Variants in GABRA2 observed in about 807,000 individuals in gnomAD.
GABRA2 encodes gamma-aminobutyric acid receptor subunit alpha-2.
A neutral mutation model predicts 48.7 loss-of-function variants in GABRA2; 16 were observed. That is an observed-to-expected ratio of 0.33 (90% confidence interval 0.22 to 0.50). GABRA2 has a LOEUF of 0.50. GABRA2 is among the 20% of genes least tolerant of loss of function. GABRA2 has a pLI of 0.98. For synonymous variants in GABRA2, 185 were observed against 184.5 expected (o/e 1.00, Z -0.02); for missense variants, 275 against 535.6 (o/e 0.51, Z 4.80).
In GABRA2 at chr4:46,283,790, C is replaced by T. The variant is rs565613064; in HGVS notation, c.856+19670G>A. Reference sequence around the variant, plus strand: ...TTGTTTGTTTTTTGAGACGGAGTCTCACTCTGTCACCCAGGCCGGAGTGCA... The same window carrying T: ...TTGTTTGTTTTTTGAGACGGAGTCTTACTCTGTCACCCAGGCCGGAGTGCA... On this transcript the variant is annotated intron_variant, in intron 8 of 9. Transcript: ENST00000381620. Among the ~76,000 whole-genome samples, 3 of 152,318 alleles carry T rather than the reference C, an allele frequency of 2.0e-5. No individual in the cohort carries two copies. The South Asian group carries it at 6.2e-4, about 32-fold the overall frequency.
chr4:46,273,502 C>CATATATATATATATATATATATAT (rs71637683), intron 8 of GABRA2, among the ~76,000 whole-genome samples: 1 of 48,144 alleles, frequency 2.1e-5, no homozygotes, highest in Non-Finnish European at 4.0e-5. Context: ...TATATATATG[C>CATATATATATATATATATATATAT]ATATATATAT....
At position 46,289,912 on chromosome 4, in the gene GABRA2, T is replaced by A. The variant is rs1259875649; in HGVS notation, c.856+13548A>T. ...ATTTATTTATTTATTTATTTATTTT[T>A]ATTTTTTTTTTTTTTTTGAGACTGA... On this transcript the variant is annotated intron_variant, in intron 8 of 9. Coordinates refer to ENST00000381620, the MANE Select transcript of GABRA2 (RefSeq NM_000807.4). Among the ~76,000 whole-genome samples, 125 of 143,822 alleles carry A rather than the reference T, an allele frequency of 8.7e-4. No homozygotes were observed. In the Middle Eastern group the frequency reaches 0.014, roughly 16 times the overall value. The allele number at this position is 143,822 out of a possible 152,430, so 94.4% of individuals were successfully genotyped here.
chr4:46,387,558 G>A (rs547298831), intron 2 of GABRA2, among the ~76,000 whole-genome samples: 169 of 152,160 alleles, frequency 1.1e-3, no homozygotes, highest in African/African-American at 3.9e-3. Context: ...GCCTACTTAA[G>A]CTAATTTTAA....
At chr4:46,297,698 C>A (rs1487568312) in intron 8 of GABRA2, among the ~76,000 whole-genome samples, 1 of 151,148 alleles carries the variant, frequency 6.6e-6, no homozygotes, top group Non-Finnish European at 1.5e-5. Flanking sequence ...TTCTAAGAAC[C>A]AACCTTTGGT....
chr4:46,353,758 G>GA (rs1196606165), intron 3 of GABRA2, among the ~76,000 whole-genome samples: 1 of 151,910 alleles, frequency 6.6e-6, no homozygotes, highest in South Asian at 2.1e-4. Flanking sequence ...CATATAAACT[G>GA]AAAAAAAGTT....
intron 3 of GABRA2, chr4:46,364,646 T>G (rs1713757480): frequency 6.6e-6 from 1 of 152,226 alleles, no homozygotes; most frequent in African/African-American, 2.4e-5. Flanking sequence ...TCAAGTCTCA[T>G]CTCCTAGAGG....
intron 3 of GABRA2, among the ~76,000 whole-genome samples, chr4:46,360,103 C>A (rs992763353): frequency 1.3e-5 from 2 of 152,014 alleles, no homozygotes; most frequent in African/African-American, 4.8e-5. Flanking sequence ...ACCAGGAAAT[C>A]AAATAATATT....
rs1714036957 is a variant in GABRA2 at position 46,248,022 on chromosome 4, A to G, written c.*2286T>C. Among the ~76,000 whole-genome samples, 1 of 151,326 alleles carries G rather than the reference A, an allele frequency of 6.6e-6. No individual in the cohort carries two copies. The highest frequency in any genetic ancestry group is 1.5e-5 in the Non-Finnish European group (1 of 67,538). On this transcript the variant is annotated 3_prime_UTR_variant, in exon 10 of 10. Transcript: ENST00000381620. ...ATAACAGTGATAAGTTTTCTGGTCAATCTGCCATAAATGCTAATAATACTG... is the reference window on the plus strand; with the variant it reads ...ATAACAGTGATAAGTTTTCTGGTCAGTCTGCCATAAATGCTAATAATACTG...
chr4:46,298,418 T>C (rs139316164), intron 8 of GABRA2, among the ~76,000 whole-genome samples: 1 of 152,148 alleles, frequency 6.6e-6, no homozygotes, highest in East Asian at 1.9e-4. Context: ...TGGGTGTATG[T>C]GGGCTTTGTT....
intron 4 of GABRA2, among the ~76,000 whole-genome samples, chr4:46,323,659 T>C (rs1373149435): frequency 6.6e-6 from 1 of 151,610 alleles, no homozygotes; most frequent in Admixed American, 6.6e-5. Flanking sequence ...AGTTATGCCT[T>C]CTAGTAGCTC....
intron 3 of GABRA2, among the ~76,000 whole-genome samples, chr4:46,353,605 T>C (rs925832853): frequency 6.6e-6 from 1 of 152,122 alleles, no homozygotes; most frequent in African/African-American, 2.4e-5. Context: ...GGCATACTCC[T>C]GTTTCACATC....
At chr4:46,360,429 GCT>G (rs1712987927) in intron 3 of GABRA2, among the ~76,000 whole-genome samples, 1 of 152,174 alleles carries the variant, frequency 6.6e-6, no homozygotes, top group Non-Finnish European at 1.5e-5. Context: ...CCCTGCACAA[GCT>G]CTCTCCCTGC....
intron 3 of GABRA2, among the ~76,000 whole-genome samples, chr4:46,384,377 A>T (rs1030204225): frequency 3.3e-5 from 5 of 152,232 alleles, no homozygotes; most frequent in African/African-American, 1.2e-4. Context: ...GTATTGCATT[A>T]ACCTAATTAA....
chr4:46,343,095 A>G (rs1347807730), intron 3 of GABRA2, among the ~76,000 whole-genome samples: 1 of 152,024 alleles, frequency 6.6e-6, no homozygotes, highest in Non-Finnish European at 1.5e-5. Context: ...TGAAATGGAC[A>G]TTGTAATTCA....
chr4:46,389,179 AC>A (rs778762946), intron 1 of GABRA2: 4 of 988,498 alleles, frequency 4.0e-6, no homozygotes, highest in Non-Finnish European at 4.8e-6. Flanking sequence ...CTCCGCAACC[AC>A]AGCGGGAAAA....
At chr4:46,277,952 G>T (rs1720815041) in intron 8 of GABRA2, among the ~76,000 whole-genome samples, 2 of 152,098 alleles carry the variant, frequency 1.3e-5, no homozygotes, top group Admixed American at 1.3e-4. Context: ...GTATTTTTGT[G>T]TATGTAATCT....
chr4:46,336,031 T>G (rs979616109), intron 3 of GABRA2, among the ~76,000 whole-genome samples: 1 of 152,152 alleles, frequency 6.6e-6, no homozygotes, highest in Non-Finnish European at 1.5e-5. Context: ...TCTTGCTTTT[T>G]GTCTTGTGTT....
chr4:46,377,923 C>T (rs1181930271), intron 3 of GABRA2, among the ~76,000 whole-genome samples: 1 of 150,818 alleles, frequency 6.6e-6, no homozygotes, highest in South Asian at 2.1e-4. Flanking sequence ...TCTGCCCGGC[C>T]GCCCCTACTG....
intron 8 of GABRA2, among the ~76,000 whole-genome samples, chr4:46,296,211 G>T (rs1374327751): frequency 1.3e-5 from 2 of 152,036 alleles, no homozygotes; most frequent in Non-Finnish European, 2.9e-5. Flanking sequence ...ATCAAGGGGT[G>T]GAAGTAGAAG....
Sources: gnomAD v4.1 joint callset for allele counts (sites outside exome capture counted in the v4.1 genomes callset) on GRCh38, gnomAD v4.1.1 for gene constraint, MANE v1.5 for transcripts, NCBI Gene and HGNC (gene_info 2026-07-23, HGNC 2026-07-21) for gene names.